Variants in PHACTR2 observed in about 807,000 individuals in gnomAD.
PHACTR2 encodes phosphatase and actin regulator 2.
Under a neutral mutation model 76.0 loss-of-function variants are expected in PHACTR2, and 30 were observed. The ratio of observed to expected loss-of-function variants is 0.39; its 90% CI spans 0.30 to 0.54. PHACTR2 has a LOEUF of 0.54. Ranked by LOEUF, PHACTR2 falls within the 20% of genes least tolerant of loss-of-function variation. The probability of loss-of-function intolerance (pLI) is 0.61; values close to 1 mark genes in which losing one functional copy is unlikely to be tolerated. For missense variants in PHACTR2, 696 were observed against 781.1 expected, an observed-to-expected ratio of 0.89 and a Z score of 1.30; for synonymous variants, 292 against 292.5, an observed-to-expected ratio of 1.00 and a Z score of 0.02.
At chr6:143,704,506 A>G (rs1390892881) in intron 1 of PHACTR2, among the ~76,000 whole-genome samples, 6 of 152,226 alleles carry the variant, frequency 3.9e-5, no homozygotes, top group Non-Finnish European at 8.8e-5. Context: ...ATTTACCTCC[A>G]TGATAGCGAA....
At chr6:143,640,810 G>GA (rs944986657) in intron 1 of PHACTR2, among the ~76,000 whole-genome samples, 16 of 152,004 alleles carry the variant, frequency 1.1e-4, no homozygotes, top group South Asian at 6.2e-4. Flanking sequence ...GACTTTATTT[G>GA]AAAAAAAGAC....
At chr6:143,593,984 G>C (rs9285501) in intron 1 of PHACTR2, among the ~76,000 whole-genome samples, 107,424 of 151,982 alleles carry the variant, frequency 0.71, 38,228 homozygotes, top group Middle Eastern at 0.79. Flanking sequence ...GAATATTCCA[G>C]TTGTCTGTTT....
In PHACTR2 at chr6:143,750,731, A is replaced by G. The variant is rs1437404445; in HGVS notation, c.295+1666A>G. 2.6e-5 allele frequency among the ~76,000 whole-genome samples: 4 copies of G among 152,226 alleles called. No homozygotes were observed. Among genetic ancestry groups the G allele is most frequent in the Non-Finnish European group, 5.9e-5 (4 of 68,032 alleles). ...TCATAGATTATAATTTCTTGGGCCA[A>G]CATATACTTCTCAGAAATCTGACTC... On this transcript the variant is annotated intron_variant, in intron 3 of 12. Transcript: ENST00000440869. The surrounding 1 kb of genome is among the most constrained non-coding windows in gnomAD (Gnocchi z 4.6).
chr6:143,772,335 C>T lies in PHACTR2; in HGVS notation c.1310C>T (p.Ser437Phe). The stretch of plus-strand genomic sequence containing the variant: ...GGGCTGATGGGCGAATCTTCAGAAT[C>T]CTTTAGTGCCTCAGAAGATGAAGGC... Reference protein sequence around the residue: ...TPGLMGESSESFSASEDEGHR... With the variant: ...TPGLMGESSEFFSASEDEGHR... The change falls in exon 7 of 13, where the codon TCC becomes TTC. Residue 437 changes from serine (S) to phenylalanine (F), a missense_variant. Ser to Phe is a radical substitution (Grantham distance 155). Coordinates refer to ENST00000440869, the MANE Select transcript of PHACTR2 (RefSeq NM_001100164.2). The surrounding 1 kb of genome is among the most constrained non-coding windows in gnomAD (Gnocchi z 5.4). 10 of 1,613,878 alleles carry T rather than the reference C, an allele frequency of 6.2e-6. No homozygotes were observed. The highest frequency in any genetic ancestry group is 1.3e-5 in the African/African-American group (1 of 75,014).
rs1378863407 is a variant in PHACTR2 at position 143,554,686 on chromosome 6, G to A, written c.217+17479G>A. On this transcript the variant is annotated intron_variant, in intron 1 of 11. Coordinates refer to the PHACTR2 transcript ENST00000367584. This position sits in a 1 kb window ranked among gnomAD's most constrained non-coding sequence, Gnocchi z 5.9. ...TTAAAACTGTATTTTACGAGGAAGT[G>A]CCCAGATGGGCCTAGAAGATCCAGG... The A allele has an allele frequency of 1.3e-5, 2 of 152,206 alleles. No homozygotes were observed. The highest frequency in any genetic ancestry group is 2.4e-5 in the African/African-American group (1 of 41,462). 9.4% of individuals were successfully genotyped at this position (152,206 alleles called of 1,614,324 possible).
chr6:143,540,893 T>G (rs894914498), intron 1 of PHACTR2, among the ~76,000 whole-genome samples: 1 of 152,274 alleles, frequency 6.6e-6, no homozygotes, highest in African/African-American at 2.4e-5. Context: ...CTCACACTTC[T>G]GGAATTCAAC....
intron 1 of PHACTR2, among the ~76,000 whole-genome samples, chr6:143,701,620 G>A (rs1211018108): frequency 6.6e-6 from 1 of 152,136 alleles, no homozygotes; most frequent in Admixed American, 6.5e-5. Flanking sequence ...TTTGTACAGG[G>A]AATACTTGGG....
rs1305135384 is a variant in PHACTR2 at position 143,809,212 on chromosome 6, T to C, written c.1922+2079T>C. On this transcript the variant is annotated intron_variant, in intron 12 of 12. Transcript: ENST00000440869. This position sits in a 1 kb window ranked among gnomAD's most constrained non-coding sequence, Gnocchi z 4.2. The stretch of plus-strand genomic sequence containing the variant: ...AAGGAATCAAATTTTAAAAGTACAT[T>C]TTTATGGAAGTTCTCATTTTATGAA... Among the ~76,000 whole-genome samples, 1 of 152,216 alleles carries C rather than the reference T, an allele frequency of 6.6e-6. No homozygotes were observed. The highest frequency in any genetic ancestry group is 1.5e-5 in the Non-Finnish European group (1 of 68,038).
chr6:143,793,219 T>G lies in PHACTR2; in HGVS notation c.1845+4309T>G, dbSNP rs1173661800. On this transcript the variant is annotated intron_variant, in intron 11 of 12. Coordinates refer to ENST00000440869, the MANE Select transcript of PHACTR2 (RefSeq NM_001100164.2). This position sits in a 1 kb window ranked among gnomAD's most constrained non-coding sequence, Gnocchi z 4.4. ...AACAGTTCCTTTTGACTCTTGTTCT[T>G]TTGTTGGAAGGTAAAGCTCATTCAT... Among the ~76,000 whole-genome samples, 1 of 152,142 alleles carries G rather than the reference T, an allele frequency of 6.6e-6. No individual in the cohort carries two copies. Among genetic ancestry groups the G allele is most frequent in the East Asian group, 1.9e-4 (1 of 5,182 alleles).
chr6:143,622,959 G>A (rs566274025), intron 1 of PHACTR2, among the ~76,000 whole-genome samples: 26 of 152,274 alleles, frequency 1.7e-4, no homozygotes, highest in South Asian at 4.1e-4. Context: ...CTAAGTTGAG[G>A]AGTACAAAGA....
intron 1 of PHACTR2, among the ~76,000 whole-genome samples, chr6:143,651,135 T>C (rs867634001): frequency 2.6e-4 from 39 of 152,022 alleles, no homozygotes; most frequent in Admixed American, 1.2e-3. Context: ...CGAAACCACA[T>C]TGAGATGCCA....
upstream of PHACTR2, among the ~76,000 whole-genome samples, chr6:143,676,032 A>G (rs1777239193): frequency 6.6e-6 from 1 of 152,226 alleles, no homozygotes; most frequent in Non-Finnish European, 1.5e-5. This position sits in a 1 kb window ranked among gnomAD's most constrained non-coding sequence, Gnocchi z 4.8. Context: ...TTCCATCAGA[A>G]GCTCTAGAAA....
intron 11 of PHACTR2, among the ~76,000 whole-genome samples, chr6:143,798,970 C>T (rs1318288254): frequency 1.3e-5 from 2 of 152,150 alleles, no homozygotes; most frequent in Non-Finnish European, 2.9e-5. Flanking sequence ...GGTACCAGCT[C>T]CTCTTTGTAC....
Position 143,544,346 on chromosome 6 carries a change from C to CA in PHACTR2, c.217+7140dup, listed in dbSNP as rs542866947. ...CCTCTTGTTAACCTGTCTTGTGTTA[C>CA]AGGAGTGTTGCCATGACCCTTACGA... On this transcript the variant is annotated intron_variant, in intron 1 of 11. Transcript: ENST00000367584. 2.3e-4 allele frequency among the ~76,000 whole-genome samples: 35 copies of CA among 151,926 alleles called. No individual in the cohort carries two copies. The East Asian group carries it at 5.8e-3, about 25-fold the overall frequency.
At position 143,820,297 on chromosome 6, in the gene PHACTR2, C is replaced by A. The variant is rs541339668; in HGVS notation, c.1923-3377C>A. 6.6e-6 allele frequency among the ~76,000 whole-genome samples: 1 copy of A among 152,328 alleles called. No homozygotes were observed. Among genetic ancestry groups the A allele is most frequent in the South Asian group, 2.1e-4 (1 of 4,828 alleles). On this transcript the variant is annotated intron_variant, in intron 12 of 12. Coordinates refer to ENST00000440869, the MANE Select transcript of PHACTR2 (RefSeq NM_001100164.2). The surrounding 1 kb of genome is among the most constrained non-coding windows in gnomAD (Gnocchi z 4.2). The stretch of plus-strand genomic sequence containing the variant: ...CCAAAAGTCCCCCAAAGTCTTAATT[C>A]ATTCCAGCATTAACTCAAAAGTTCA...
chr6:143,770,704 T>C (rs561429044), intron 6 of PHACTR2, among the ~76,000 whole-genome samples: 2 of 152,250 alleles, frequency 1.3e-5, no homozygotes, highest in African/African-American at 2.4e-5. Flanking sequence ...AAGAACTTTT[T>C]ACCAGAAAGC....
rs1365593975 is a variant in PHACTR2, at chr6:143,611,765, T to C, written c.13+3443T>C. Among the ~76,000 whole-genome samples, 1 of 152,020 alleles carries C rather than the reference T, an allele frequency of 6.6e-6. No individual in the cohort carries two copies. Among genetic ancestry groups the C allele is most frequent in the African/African-American group, 2.4e-5 (1 of 41,380 alleles). On this transcript the variant is annotated intron_variant, in intron 1 of 11. Transcript: ENST00000305766. This position sits in a 1 kb window ranked among gnomAD's most constrained non-coding sequence, Gnocchi z 4.4. Reference sequence around the variant, plus strand: ...TCTGAAAGTGGTGTGGATGACAGTGTGGGAAAGTGAGCAATTCTGAGCAAA... The same window carrying C: ...TCTGAAAGTGGTGTGGATGACAGTGCGGGAAAGTGAGCAATTCTGAGCAAA...
chr6:143,620,917 C>G (rs1776142813), intron 1 of PHACTR2, among the ~76,000 whole-genome samples: 1 of 152,218 alleles, frequency 6.6e-6, no homozygotes, highest in Non-Finnish European at 1.5e-5. Flanking sequence ...TCCCCATCAG[C>G]TATGTTGAAG....
intron 1 of PHACTR2, among the ~76,000 whole-genome samples, chr6:143,668,138 G>GT (rs1777077176): frequency 1.3e-5 from 2 of 152,180 alleles, no homozygotes; most frequent in Admixed American, 1.3e-4. Context: ...ATAATCATGT[G>GT]TTTTTTGTCA....
Sources: gnomAD v4.1 joint callset for allele counts (sites outside exome capture counted in the v4.1 genomes callset) on GRCh38, gnomAD v4.1.1 for gene constraint, Gnocchi (gnomAD v3.1) non-coding constraint, MANE v1.5 for transcripts, NCBI Gene and HGNC (gene_info 2026-07-23, HGNC 2026-07-21) for gene names.